The following USP24 variants were observed in gnomAD, a reference collection of about 807,000 sequenced individuals.
USP24 encodes ubiquitin specific peptidase 24, also known as ubiquitin carboxyl-terminal hydrolase 24.
USP24 carries 97 observed loss-of-function variants against 361.6 expected under a neutral mutation model. The ratio of observed to expected loss-of-function variants is 0.27; its 90% confidence interval spans 0.23 to 0.32. The LOEUF is 0.32. Ranked by LOEUF, USP24 falls within the 10% of genes least tolerant of loss-of-function variation. The pLI is 1.00. For missense variants in USP24, 2,353 were observed against 3,165.6 expected, an observed-to-expected ratio of 0.74 and a Z score of 6.16; for synonymous variants, 1,098 against 1,124.6, an observed-to-expected ratio of 0.98 and a Z score of 0.47.
At chr1:55,119,406 G>A (rs1032073305) in intron 38 of USP24, among the ~76,000 whole-genome samples, 1 of 152,076 alleles carries the variant, frequency 6.6e-6, no homozygotes, top group Non-Finnish European at 1.5e-5. Flanking sequence ...TGGTTGCCGT[G>A]GGATGGGGGA....
At chr1:55,197,915 A>G (rs903718237) in intron 1 of USP24, among the ~76,000 whole-genome samples, 1 of 152,226 alleles carries the variant, frequency 6.6e-6, no homozygotes, top group Non-Finnish European at 1.5e-5. Flanking sequence ...CACTTGTGAA[A>G]AGCAAATGCT....
intron 30 of USP24, 76 bp from the exon 31 acceptor site, chr1:55,132,776 C>A: frequency 7.2e-7 from 1 of 1,394,374 alleles, no homozygotes; most frequent in South Asian, 1.5e-5. Context: ...TAGTACACGT[C>A]CTAATATTCT....
chr1:55,148,407 G>A, intron 17 of USP24, 56 bp downstream of exon 17: 17 of 1,330,504 alleles, frequency 1.3e-5, no homozygotes, highest in Non-Finnish European at 1.8e-5. Context: ...GCCATGTTTT[G>A]TTATTGTAAA....
chr1:55,165,818 C>A, intron 7 of USP24, 67 bp downstream of exon 7: 2 of 1,372,208 alleles, frequency 1.5e-6, no homozygotes, highest in Non-Finnish European at 1.0e-6. Flanking sequence ...AGACCATATC[C>A]TCTGGCTGTA....
intron 24 of USP24, 92 bp downstream of exon 24, chr1:55,141,524 A>G: frequency 8.8e-7 from 1 of 1,138,046 alleles, no homozygotes; most frequent in Non-Finnish European, 1.3e-6. Context: ...AAAATGAGGA[A>G]ATCAATAACT....
At chr1:55,204,090 A>G (rs769174536) in intron 1 of USP24, among the ~76,000 whole-genome samples, 1 of 152,230 alleles carries the variant, frequency 6.6e-6, no homozygotes, top group Non-Finnish European at 1.5e-5. Flanking sequence ...TATAAAACTG[A>G]CCACAAAAGC....
intron 16 of USP24, among the ~76,000 whole-genome samples, chr1:55,153,251 C>T (rs184522108): frequency 6.0e-4 from 91 of 152,268 alleles, no homozygotes; most frequent in Middle Eastern, 3.4e-3. Context: ...GCAATCATTA[C>T]CGCTCAATCT....
In USP24 at chr1:55,134,108, G is replaced by C. The variant is rs1646668053; in HGVS notation, c.3343C>G (p.Gln1115Glu). 2.5e-6 allele frequency: 4 copies of C among 1,613,662 alleles called. No homozygotes were observed. The highest frequency in any genetic ancestry group is 3.3e-5 in the Admixed American group (2 of 59,920). Reference sequence around the variant, plus strand: ...GAATCAAGTTGATCAAGGGCTTCCTGAATGGCTGGATCAGTGGGTATCAAG... The same window carrying C: ...GAATCAAGTTGATCAAGGGCTTCCTCAATGGCTGGATCAGTGGGTATCAAG... ...LLLIPTDPAI[Q>E]EALDQLDSLG... is the part of the protein sequence containing the mutation. Residue 1115 changes from glutamine to glutamate, a missense_variant, in exon 30 of 68, where the codon CAG becomes GAG. Transcript: ENST00000294383.
intron 3 of USP24, among the ~76,000 whole-genome samples, chr1:55,174,575 G>A (rs1387260068): frequency 5.3e-5 from 8 of 152,184 alleles, no homozygotes; most frequent in Non-Finnish European, 8.8e-5. Context: ...AGACAAAACA[G>A]TTTTCTGAAG....
At chr1:55,164,375 G>A (rs1648606052) in intron 7 of USP24, among the ~76,000 whole-genome samples, 1 of 152,024 alleles carries the variant, frequency 6.6e-6, no homozygotes, top group South Asian at 2.1e-4. Context: ...TTCTTGTTTT[G>A]TATAGGTGTT....
In USP24 at chr1:55,106,235, A is replaced by G; in HGVS notation, c.4791T>C (p.Asp1597=). ...LGSSLIKPLL[D]DFLFRASRII... is the part of the protein sequence containing the mutation. Reference sequence around the variant, plus strand: ...TTCTAGAAGCTCGGAAAAGGAAGTCATCTAACAATGGTTTAATGAGTGATG... The same window carrying G: ...TTCTAGAAGCTCGGAAAAGGAAGTCGTCTAACAATGGTTTAATGAGTGATG... Residue 1597 remains aspartate, a synonymous_variant, in exon 41 of 68, where the codon GAT becomes GAC. Coordinates refer to ENST00000294383, the MANE Select transcript of USP24 (RefSeq NM_015306.3). 2 of 1,613,710 alleles carry G rather than the reference A, an allele frequency of 1.2e-6. No homozygotes were observed. The highest frequency in any genetic ancestry group is 1.3e-5 in the African/African-American group (1 of 75,074).
chr1:55,124,374 T>A (rs900552727), intron 35 of USP24, 95 bp downstream of exon 35: 10 of 1,410,308 alleles, frequency 7.1e-6, no homozygotes, highest in Non-Finnish European at 9.6e-6. Flanking sequence ...GAGAAGAGGG[T>A]CTCCCATTTT....
intron 67 of USP24, chr1:55,071,260 A>G: frequency 2.0e-6 from 2 of 988,194 alleles, no homozygotes; most frequent in Non-Finnish European, 2.4e-6. Flanking sequence ...TGATTAACTG[A>G]CACTTAGTTC....
intron 21 of USP24, 68 bp downstream of exon 21, chr1:55,144,059 T>C: frequency 7.6e-7 from 1 of 1,313,962 alleles, no homozygotes; most frequent in Non-Finnish European, 1.0e-6. Flanking sequence ...ATAACACTTT[T>C]TTTTTTGCTG....
Position 55,215,211 on chromosome 1 carries a change from C to T in USP24, c.-98G>A, listed in dbSNP as rs1166253534. 1 of 1,039,918 alleles carries T rather than the reference C, an allele frequency of 9.6e-7. No homozygotes were observed. The highest frequency in any genetic ancestry group is 1.2e-6 in the Non-Finnish European group (1 of 825,072). 64.4% of individuals were successfully genotyped at this position (1,039,918 alleles called of 1,614,324 possible). On this transcript the variant is annotated 5_prime_UTR_variant, in exon 1 of 68. Coordinates refer to ENST00000294383, the MANE Select transcript of USP24 (RefSeq NM_015306.3). Reference sequence around the variant, plus strand: ...CGCACCCTCCGCGCCGCCTCCGCGCCCAGGTTGGCCCCTGCGTTCCTGCCC... The same window carrying T: ...CGCACCCTCCGCGCCGCCTCCGCGCTCAGGTTGGCCCCTGCGTTCCTGCCC...
chr1:55,072,765 A>G, intron 65 of USP24, 21 bp downstream of exon 65: 1 of 1,574,586 alleles, frequency 6.4e-7, no homozygotes, highest in Non-Finnish European at 8.6e-7. Flanking sequence ...TTACAGCTAG[A>G]AAAATTCAAT....
chr1:55,168,665 T>C (rs1252580244), intron 5 of USP24, among the ~76,000 whole-genome samples: 1 of 152,072 alleles, frequency 6.6e-6, no homozygotes, highest in Non-Finnish European at 1.5e-5. Flanking sequence ...CTGAAATAGA[T>C]TTACCTGCGG....
intron 1 of USP24, among the ~76,000 whole-genome samples, chr1:55,184,376 T>C (rs554108179): frequency 6.6e-6 from 1 of 152,202 alleles, no homozygotes; most frequent in African/African-American, 2.4e-5. Context: ...TATTTTGTAA[T>C]GATAAAAGGT....
intron 32 of USP24, among the ~76,000 whole-genome samples, chr1:55,129,217 C>A (rs1343267548): frequency 1.3e-5 from 2 of 152,156 alleles, no homozygotes; most frequent in African/African-American, 4.8e-5. Context: ...GATACAGCCT[C>A]CTGGCTTCTA....
Sources: allele counts gnomAD v4.1 joint callset (sites outside exome capture counted in the v4.1 genomes callset), GRCh38; gene constraint gnomAD v4.1.1; transcripts MANE v1.5; gene names NCBI Gene and HGNC (gene_info 2026-07-23, HGNC 2026-07-21).